TTBK2: variants seen among roughly 807,000 people sequenced by gnomAD.
TTBK2 encodes tau tubulin kinase 2, also known as tau-tubulin kinase 2.
A neutral mutation model predicts 110.8 loss-of-function variants in TTBK2; 28 were observed. That is an observed-to-expected ratio of 0.25 (90% CI 0.19 to 0.35). The LOEUF is 0.35. Ranked by LOEUF, TTBK2 falls within the 10% of genes least tolerant of loss-of-function variation. TTBK2 has a pLI of 1.00. For synonymous variants in TTBK2, 532 were observed against 527.3 expected (o/e 1.01, Z -0.12); for missense variants, 1,369 against 1,500.3 (o/e 0.91, Z 1.45).
chr15:42,805,582 C>T (rs868756699), intron 9 of TTBK2, among the ~76,000 whole-genome samples: 3 of 152,174 alleles, frequency 2.0e-5, no homozygotes, highest in South Asian at 2.1e-4. Flanking sequence ...GGAGATAAGG[C>T]GTAATGGGGC....
At chr15:42,882,572 C>T (rs1261407537) in intron 1 of TTBK2, among the ~76,000 whole-genome samples, 4 of 151,782 alleles carry the variant, frequency 2.6e-5, no homozygotes, top group Non-Finnish European at 5.9e-5. Context: ...CAAGATTGCG[C>T]CATTGCACTC....
At chr15:42,772,574 T>C (rs6493065) in intron 13 of TTBK2, among the ~76,000 whole-genome samples, 123,106 of 152,114 alleles carry the variant, frequency 0.81, 49,967 homozygotes, top group South Asian at 0.9. Context: ...ATTTGTTACA[T>C]AGCAATGGCA....
At chr15:42,918,609 A>C (rs952058608) in intron 1 of TTBK2, among the ~76,000 whole-genome samples, 3 of 152,196 alleles carry the variant, frequency 2.0e-5, no homozygotes, top group Admixed American at 6.5e-5. Flanking sequence ...CCAATAACTT[A>C]TCATTGCCAC....
intron 3 of TTBK2, among the ~76,000 whole-genome samples, chr15:42,865,148 A>G (rs1894314672): frequency 2.0e-5 from 3 of 152,144 alleles, no homozygotes; most frequent in Admixed American, 2.0e-4. Context: ...TATAATTGAT[A>G]TGTTAAGAAA....
chr15:42,802,643 C>A (rs150520467), intron 9 of TTBK2, among the ~76,000 whole-genome samples: 123 of 152,216 alleles, frequency 8.1e-4, no homozygotes, highest in Non-Finnish European at 1.2e-3. Flanking sequence ...ACCATTAAGT[C>A]GGGTGTCACA....
rs185934117 is a variant in TTBK2, at chr15:42,837,982, C to T, written c.291+2378G>A. 7.9e-3 allele frequency among the ~76,000 whole-genome samples: 1,203 copies of T among 152,058 alleles called. 27 individuals carry two copies. The highest frequency in any genetic ancestry group is 6.4e-3 in the Non-Finnish European group (437 of 67,952). On this transcript the variant is annotated intron_variant, in intron 4 of 14. Coordinates refer to ENST00000267890, the MANE Select transcript of TTBK2 (RefSeq NM_173500.4). ...CAGCACTTTGGGAGGCTGAGGCAGGCGGATCGCCTGAGGTTAGGAGTTTAA... is the reference window on the plus strand; with the variant it reads ...CAGCACTTTGGGAGGCTGAGGCAGGTGGATCGCCTGAGGTTAGGAGTTTAA...
intron 1 of TTBK2, among the ~76,000 whole-genome samples, chr15:42,885,662 C>T (rs934115829): frequency 3.9e-5 from 6 of 152,124 alleles, no homozygotes; most frequent in East Asian, 1.9e-4. Flanking sequence ...AAGTACCCCC[C>T]GACCTCTTCT....
At chr15:42,811,592 A>T (rs1298064910) in intron 8 of TTBK2, 96 bp downstream of exon 8, 4 of 922,300 alleles carry the variant, frequency 4.3e-6, no homozygotes, top group Non-Finnish European at 5.1e-6. Flanking sequence ...TGTAGATTTT[A>T]AGTCTTATAC....
intron 1 of TTBK2, among the ~76,000 whole-genome samples, chr15:42,910,446 C>T (rs1022199123): frequency 6.6e-6 from 1 of 152,230 alleles, no homozygotes; most frequent in Non-Finnish European, 1.5e-5. Context: ...TAGCCTAATA[C>T]CTACCATTGA....
chr15:42,857,243 C>T (rs1256179306), intron 3 of TTBK2, among the ~76,000 whole-genome samples: 1 of 151,838 alleles, frequency 6.6e-6, no homozygotes, highest in African/African-American at 2.4e-5. Context: ...GGGCCAGGTG[C>T]AGTGGCTCAT....
At chr15:42,801,435 G>A (rs753296730) in intron 9 of TTBK2, 6 of 918,652 alleles carry the variant, frequency 6.5e-6, no homozygotes, top group Non-Finnish European at 1.1e-5. Flanking sequence ...GAAGCCCTCT[G>A]GCCTTTGAGA....
intron 3 of TTBK2, among the ~76,000 whole-genome samples, chr15:42,845,213 T>C (rs1013368325): frequency 6.6e-6 from 1 of 151,716 alleles, no homozygotes; most frequent in African/African-American, 2.4e-5. Flanking sequence ...TTGATACGAG[T>C]TAAGGTGGGC....
At chr15:42,783,302 G>A (rs1890255189) in intron 11 of TTBK2, 117 bp downstream of exon 11, 1 of 951,028 alleles carries the variant, frequency 1.1e-6, no homozygotes, top group East Asian at 2.4e-5. Context: ...GACTCAGCAA[G>A]GAGGAGCCAC....
chr15:42,884,450 C>A (rs1295266882), intron 1 of TTBK2, among the ~76,000 whole-genome samples: 5 of 152,108 alleles, frequency 3.3e-5, no homozygotes, highest in African/African-American at 1.2e-4. Context: ...TACTCGGTTC[C>A]TGAAATAGCT....
intron 11 of TTBK2, among the ~76,000 whole-genome samples, chr15:42,777,820 T>C (rs920602912): frequency 6.6e-6 from 1 of 152,242 alleles, no homozygotes; most frequent in Middle Eastern, 3.4e-3. Flanking sequence ...AAGCAAAGCC[T>C]TATATAAGGA....
intron 13 of TTBK2, among the ~76,000 whole-genome samples, chr15:42,757,378 T>C (rs1287247499): frequency 6.6e-6 from 1 of 152,178 alleles, no homozygotes; most frequent in Non-Finnish European, 1.5e-5. Flanking sequence ...CCCAAAGTGC[T>C]GGGATTACAG....
Position 42,762,514 on chromosome 15 carries a change from C to T in TTBK2, c.1999-9267G>A, listed in dbSNP as rs574506984. On this transcript the variant is annotated intron_variant, in intron 13 of 14. Transcript: ENST00000267890. ...AGGTGGATCACCTGAGGTCAGAGTT[C>T]GAGACCAGCCTGGCCAACATGGTGA... Among the ~76,000 whole-genome samples the T allele has an allele frequency of 6.6e-5, 10 of 152,146 alleles. No homozygotes were observed. The East Asian group carries it at 1.2e-3, about 18-fold the overall frequency.
At chr15:42,782,445 C>T (rs923035698) in intron 11 of TTBK2, among the ~76,000 whole-genome samples, 11 of 152,204 alleles carry the variant, frequency 7.2e-5, no homozygotes, top group African/African-American at 2.7e-4. Flanking sequence ...ACTCCCACCC[C>T]ATCTGCATGC....
chr15:42,860,628 G>A (rs1894116239), intron 3 of TTBK2, among the ~76,000 whole-genome samples: 1 of 148,328 alleles, frequency 6.7e-6, no homozygotes, highest in Non-Finnish European at 1.5e-5. Flanking sequence ...AACCTTAGCT[G>A]GGGTATTCTT....
Sources: allele counts gnomAD v4.1 joint callset (sites outside exome capture counted in the v4.1 genomes callset), GRCh38; gene constraint gnomAD v4.1.1; transcripts MANE v1.5; gene names NCBI Gene and HGNC (gene_info 2026-07-23, HGNC 2026-07-21).